The following RNF157 variants were observed in gnomAD, a reference collection of about 807,000 sequenced individuals.
The protein encoded by RNF157 is E3 ubiquitin ligase RNF157.
RNF157 carries 55 observed loss-of-function variants against 88.3 expected under a neutral mutation model. The ratio of observed to expected loss-of-function variants is 0.62; its 90% CI spans 0.50 to 0.78. The LOEUF is 0.78. Among genes scored for constraint, RNF157 ranks in the 30% least tolerant of loss-of-function variants. The probability of loss-of-function intolerance (pLI) is 0.00; values close to 1 mark genes in which losing one functional copy is unlikely to be tolerated. For missense variants in RNF157, 788 were observed against 860.8 expected (o/e 0.92, Z 1.06); for synonymous variants, 334 against 341.2 (o/e 0.98, Z 0.23).
chr17:76,232,738 G>C (rs989494019), intron 1 of RNF157, among the ~76,000 whole-genome samples: 5 of 152,076 alleles, frequency 3.3e-5, no homozygotes, highest in Admixed American at 2.6e-4. Context: ...CAATTCCTCT[G>C]CATTCTCAAC....
chr17:76,212,765 G>T (rs577949292), intron 1 of RNF157, among the ~76,000 whole-genome samples: 2 of 152,254 alleles, frequency 1.3e-5, no homozygotes, highest in East Asian at 3.9e-4. Context: ...AGGAAGCTGA[G>T]GCAGGAGGAT....
At chr17:76,222,759 C>T (rs2070008148) in intron 1 of RNF157, among the ~76,000 whole-genome samples, 1 of 152,170 alleles carries the variant, frequency 6.6e-6, no homozygotes, top group South Asian at 2.1e-4. Flanking sequence ...CTCAACCCTG[C>T]ACCTGTCTCT....
intron 1 of RNF157, among the ~76,000 whole-genome samples, chr17:76,215,007 C>T (rs1238100247): frequency 6.6e-6 from 1 of 152,008 alleles, no homozygotes; most frequent in Non-Finnish European, 1.5e-5. Context: ...AGGACACATC[C>T]CATAATATAC....
In RNF157 at chr17:76,166,462, G is replaced by A. The variant is rs760229304; in HGVS notation, c.627C>T (p.Asp209=). 1.7e-5 allele frequency: 28 copies of A among 1,613,138 alleles called. No homozygotes were observed. The highest frequency in any genetic ancestry group is 8.3e-5 in the Admixed American group (5 of 59,960). The part of the protein sequence containing the change: ...LVVHAVVDEG[D]EYFGHCHVLL... ...AAAGAGGACAGAAATCGCCCCTACC[G>A]TCTCCTTCATCCACCACGGCATGTA... Residue 209 remains aspartate (D), a splice_region_variant and synonymous_variant, in exon 6 of 19, where the codon GAC becomes GAT. Transcript: ENST00000269391.
chr17:76,210,350 T>C (rs995411464), intron 2 of RNF157, among the ~76,000 whole-genome samples: 3 of 151,560 alleles, frequency 2.0e-5, no homozygotes, highest in East Asian at 2.0e-4. Flanking sequence ...TCCCAGCACT[T>C]TGGGAGGCCA....
chr17:76,173,759 G>A lies in RNF157; in HGVS notation c.239C>T (p.Pro80Leu). 1.2e-6 allele frequency: 2 copies of A among 1,611,036 alleles called. No individual in the cohort carries two copies. The highest frequency in any genetic ancestry group is 1.7e-6 in the Non-Finnish European group (2 of 1,178,318). ...FPYAAPPPQE[P>L]VKTLRSLVNI... ...GACCAGGCTTCTCAGAGTCTTCACG[G>A]GTTCTTGGGGAGGTGGGGCGGCGTA... The change falls in exon 3 of 19, where the codon CCC becomes CTC. Residue 80 changes from proline to leucine, a missense_variant. Pro to Leu is a moderately conservative substitution (Grantham distance 98). Transcript: ENST00000269391.
chr17:76,164,834 G>A (rs748637240), intron 7 of RNF157, 39 bp from the exon 8 acceptor site: 25 of 1,479,628 alleles, frequency 1.7e-5, no homozygotes, highest in Non-Finnish European at 2.1e-5. Flanking sequence ...AGGAAGGGAG[G>A]GTAATAAAGC....
chr17:76,203,594 G>A (rs928057292), intron 2 of RNF157, among the ~76,000 whole-genome samples: 1 of 148,984 alleles, frequency 6.7e-6, no homozygotes, highest in Non-Finnish European at 1.5e-5. Context: ...TTGGGATTAC[G>A]GGAACCCGCC....
Position 76,157,752 on chromosome 17 carries a change from C to T in RNF157, c.1413+641G>A, listed in dbSNP as rs1228704861. On this transcript the variant is annotated intron_variant, in intron 13 of 18. Coordinates refer to ENST00000269391, the MANE Select transcript of RNF157 (RefSeq NM_052916.3). The surrounding 1 kb of genome is among the most constrained non-coding windows in gnomAD (Gnocchi z 5.6). ...GGACCACTTTATTTACCTTCCTGTG[C>T]CCTGCTGTATCTAGCTCAGTGCCCT... 6.6e-6 allele frequency among the ~76,000 whole-genome samples: 1 copy of T among 151,898 alleles called. No individual in the cohort carries two copies. The highest frequency in any genetic ancestry group is 1.9e-4 in the East Asian group (1 of 5,142).
Position 76,153,956 on chromosome 17 carries a change from G to A in RNF157, c.1810+327C>T, listed in dbSNP as rs111291398. 543 of 297,516 alleles carry A rather than the reference G, an allele frequency of 1.8e-3. 4 individuals are homozygous for A. Among genetic ancestry groups the A allele is most frequent in the African/African-American group, 8.0e-3 (362 of 45,236 alleles). 18.4% of individuals were successfully genotyped at this position (297,516 alleles called of 1,614,324 possible). ...CAGAACAGCTCTGTGGGGCTCCACT[G>A]AAAACCTGCAGCAGGGAGGCTGATG... On this transcript the variant is annotated intron_variant, in intron 17 of 18. Transcript: ENST00000269391.
chr17:76,182,848 TATATAGG>T (rs1382346668), intron 2 of RNF157, among the ~76,000 whole-genome samples: 1 of 141,902 alleles, frequency 7.0e-6, no homozygotes, highest in East Asian at 2.0e-4. Flanking sequence ...ATATATAGGA[TATATAGG>T]ATATATATAT....
chr17:76,151,497 G>C (rs1007023122), intron 18 of RNF157, among the ~76,000 whole-genome samples: 1 of 152,186 alleles, frequency 6.6e-6, no homozygotes, highest in Non-Finnish European at 1.5e-5. Context: ...CTTCGTTCAG[G>C]GAATGTTTAA....
intron 2 of RNF157, among the ~76,000 whole-genome samples, chr17:76,175,967 T>C (rs1428648557): frequency 1.3e-5 from 2 of 152,188 alleles, no homozygotes; most frequent in African/African-American, 4.8e-5. Flanking sequence ...TGTTTATAAA[T>C]CCACCCCTAT....
intron 1 of RNF157, among the ~76,000 whole-genome samples, chr17:76,228,508 T>C (rs572587786): frequency 2.0e-5 from 3 of 152,302 alleles, no homozygotes; most frequent in African/African-American, 7.2e-5. Flanking sequence ...ATCCTTCTTG[T>C]TTAACACTTG....
intron 1 of RNF157, among the ~76,000 whole-genome samples, chr17:76,213,766 G>T (rs1598435328): frequency 6.6e-6 from 1 of 152,120 alleles, no homozygotes; most frequent in South Asian, 2.1e-4. Context: ...AGGGAGAGGG[G>T]ATGAAAGTTA....
At chr17:76,189,977 G>A (rs1249173272) in intron 2 of RNF157, among the ~76,000 whole-genome samples, 1 of 152,180 alleles carries the variant, frequency 6.6e-6, no homozygotes, top group Non-Finnish European at 1.5e-5. Context: ...CCTCCCACTG[G>A]CAGCACATGG....
chr17:76,209,535 G>A (rs192294432), intron 2 of RNF157, among the ~76,000 whole-genome samples: 18 of 150,854 alleles, frequency 1.2e-4, no homozygotes, highest in African/African-American at 9.8e-5. Flanking sequence ...AGTGTATTCC[G>A]TGTGTGGCCC....
intron 2 of RNF157, chr17:76,211,942 G>C (rs2145024564): frequency 6.5e-6 from 1 of 153,992 alleles, no homozygotes; most frequent in South Asian, 2.0e-4. Context: ...CTTTGTTCTA[G>C]GTTTGGGATA....
intron 3 of RNF157, among the ~76,000 whole-genome samples, chr17:76,171,135 G>A (rs975096175): frequency 4.0e-5 from 6 of 151,714 alleles, no homozygotes; most frequent in Non-Finnish European, 7.4e-5. Context: ...CTCGTGATCC[G>A]CCCGCCTTGG....
Sources: gnomAD v4.1 joint callset for allele counts (sites outside exome capture counted in the v4.1 genomes callset) on GRCh38, gnomAD v4.1.1 for gene constraint, Gnocchi (gnomAD v3.1) non-coding constraint, MANE v1.5 for transcripts, NCBI Gene and HGNC (gene_info 2026-07-23, HGNC 2026-07-21) for gene names.